SGCZ: variants seen among roughly 807,000 people sequenced by gnomAD.
SGCZ encodes the protein sarcoglycan zeta.
In SGCZ, 40 loss-of-function variants were observed where a neutral mutation model predicts 41.3. That is an observed-to-expected ratio of 0.97 (90% CI 0.75 to 1.26). The LOEUF is 1.26. SGCZ is among the 50% of genes most tolerant of loss of function. The pLI is 0.00. For synonymous variants in SGCZ, 206 were observed against 137.5 expected (o/e 1.50, Z -3.49); for missense variants, 552 against 369.8 (o/e 1.49, Z -4.04).
chr8:15,101,276 A>G (rs953260071), intron 1 of SGCZ, among the ~76,000 whole-genome samples: 2 of 152,324 alleles, frequency 1.3e-5, no homozygotes, highest in East Asian at 1.9e-4. Context: ...GCTTTGTAAT[A>G]GACACTGGTA....
chr8:14,800,470 T>G (rs2130500358), intron 1 of SGCZ, among the ~76,000 whole-genome samples: 1 of 152,284 alleles, frequency 6.6e-6, no homozygotes, highest in South Asian at 2.1e-4. Flanking sequence ...CTTGATATGG[T>G]TTGGCTGCAT....
chr8:14,802,116 A>T (rs910751079), intron 1 of SGCZ, among the ~76,000 whole-genome samples: 3 of 152,204 alleles, frequency 2.0e-5, no homozygotes, highest in Admixed American at 6.5e-5. Flanking sequence ...ATTTAGCCAG[A>T]AGGTTGAAAA....
At chr8:14,800,023 C>T (rs1004836929) in intron 1 of SGCZ, among the ~76,000 whole-genome samples, 2 of 152,098 alleles carry the variant, frequency 1.3e-5, no homozygotes, top group African/African-American at 4.8e-5. Flanking sequence ...ATTGGTAAAC[C>T]ACTGTTTTGC....
chr8:14,417,544 C>A (rs1336010512), intron 2 of SGCZ, among the ~76,000 whole-genome samples: 1 of 151,844 alleles, frequency 6.6e-6, no homozygotes, highest in Non-Finnish European at 1.5e-5. Context: ...GAACTGTAAT[C>A]ATTATTTCCC....
intron 5 of SGCZ, among the ~76,000 whole-genome samples, chr8:14,124,394 AAGACCCC>A (rs1307903695): frequency 1.3e-5 from 2 of 152,148 alleles, no homozygotes; most frequent in Non-Finnish European, 2.9e-5. Flanking sequence ...ACACCCACAC[AAGACCCC>A]AAAGATGAAA....
intron 1 of SGCZ, among the ~76,000 whole-genome samples, chr8:14,751,117 G>C (rs1439613242): frequency 6.6e-6 from 1 of 152,126 alleles, no homozygotes; most frequent in African/African-American, 2.4e-5. Context: ...TTAGATGTTA[G>C]CCTATTTTTA....
chr8:14,587,027 TA>T (rs11399140), intron 1 of SGCZ, among the ~76,000 whole-genome samples: 35 of 147,518 alleles, frequency 2.4e-4, no homozygotes, highest in African/African-American at 3.5e-4. Flanking sequence ...TTTCTTACAT[TA>T]AAAAAAAAAC....
At chr8:14,767,776 C>T (rs1800088402) in intron 1 of SGCZ, among the ~76,000 whole-genome samples, 3 of 152,296 alleles carry the variant, frequency 2.0e-5, no homozygotes, top group South Asian at 2.1e-4. Flanking sequence ...GTACGCCTTT[C>T]AAATTCTGTG....
chr8:14,678,026 C>G (rs1808330015), intron 1 of SGCZ, among the ~76,000 whole-genome samples: 1 of 152,226 alleles, frequency 6.6e-6, no homozygotes, highest in East Asian at 1.9e-4. Context: ...GACTTTGAAT[C>G]CTTCACAAAA....
intron 5 of SGCZ, among the ~76,000 whole-genome samples, chr8:14,112,123 A>G (rs574551743): frequency 6.6e-6 from 1 of 152,306 alleles, no homozygotes; most frequent in East Asian, 1.9e-4. Flanking sequence ...CAAACAACCA[A>G]GAAAGGCAAG....
intron 2 of SGCZ, among the ~76,000 whole-genome samples, chr8:14,517,604 G>C (rs565322505): frequency 2.1e-3 from 313 of 152,012 alleles, no homozygotes; most frequent in Non-Finnish European, 3.6e-3. Flanking sequence ...TTTTTATAGA[G>C]TTTAGAAATT....
chr8:14,284,102 G>C (rs1166626286), intron 3 of SGCZ, among the ~76,000 whole-genome samples: 1 of 152,210 alleles, frequency 6.6e-6, no homozygotes, highest in Non-Finnish European at 1.5e-5. Context: ...TGCTAAAGTA[G>C]ATTCATCTGC....
At chr8:14,950,300 TATA>T (rs1800591665) in intron 1 of SGCZ, among the ~76,000 whole-genome samples, 1 of 152,008 alleles carries the variant, frequency 6.6e-6, no homozygotes, top group Non-Finnish European at 1.5e-5. Context: ...CAAGCACATG[TATA>T]ATGTTTTATG....
At chr8:14,205,547 C>G (rs1233708757) in intron 4 of SGCZ, among the ~76,000 whole-genome samples, 2 of 152,128 alleles carry the variant, frequency 1.3e-5, no homozygotes, top group Non-Finnish European at 2.9e-5. Flanking sequence ...TAACCCACTA[C>G]AGTTCAGGGC....
intron 2 of SGCZ, among the ~76,000 whole-genome samples, chr8:14,409,370 G>A (rs1361886261): frequency 1.3e-5 from 2 of 151,972 alleles, no homozygotes; most frequent in African/African-American, 4.8e-5. Context: ...CTTAAAAAAT[G>A]TAGTTTGGAG....
chr8:14,574,245 T>C (rs765605351), intron 1 of SGCZ, among the ~76,000 whole-genome samples: 5 of 152,014 alleles, frequency 3.3e-5, no homozygotes, highest in Non-Finnish European at 7.4e-5. Flanking sequence ...TGCAGCAGCC[T>C]CAGAAGCAAA....
intron 1 of SGCZ, among the ~76,000 whole-genome samples, chr8:14,865,525 G>C (rs959345148): frequency 3.9e-5 from 6 of 152,112 alleles, no homozygotes; most frequent in African/African-American, 1.2e-4. Flanking sequence ...CCTGAAGGAA[G>C]CGTGGGGTAT....
At chr8:14,561,534 C>T (rs879940204) in intron 1 of SGCZ, among the ~76,000 whole-genome samples, 18 of 152,100 alleles carry the variant, frequency 1.2e-4, no homozygotes, top group Non-Finnish European at 1.5e-5. Flanking sequence ...TGGCTACTTA[C>T]AGTAACTAGG....
chr8:14,137,737 C>G (rs952835288), intron 5 of SGCZ, among the ~76,000 whole-genome samples: 1 of 152,016 alleles, frequency 6.6e-6, no homozygotes, highest in Admixed American at 6.6e-5. Flanking sequence ...GAGAATGGAC[C>G]CAAGTTGGAA....
Sources: allele counts gnomAD v4.1 joint callset (sites outside exome capture counted in the v4.1 genomes callset), GRCh38; gene constraint gnomAD v4.1.1; transcripts MANE v1.5; gene names NCBI Gene and HGNC (gene_info 2026-07-23, HGNC 2026-07-21).